TENT4B: variants seen among roughly 807,000 people sequenced by gnomAD.
TENT4B encodes terminal nucleotidyltransferase 4B.
In TENT4B, 10 loss-of-function variants were observed where a neutral mutation model predicts 75.0. That is an observed-to-expected ratio of 0.13 (90% confidence interval 0.08 to 0.23). The LOEUF (loss-of-function observed/expected upper bound fraction) is 0.23, where lower values mean the gene tolerates loss of function less well. Among genes scored for constraint, TENT4B ranks in the 10% least tolerant of loss-of-function variants. The pLI is 1.00. For missense variants in TENT4B, 579 were observed against 893.8 expected (o/e 0.65, Z 4.49); for synonymous variants, 350 against 357.7 (o/e 0.98, Z 0.24).
chr16:50,168,782 A>C (rs1236619810), intron 1 of TENT4B, among the ~76,000 whole-genome samples: 1 of 151,944 alleles, frequency 6.6e-6, no homozygotes, highest in East Asian at 1.9e-4. Context: ...AGTAGCTGGG[A>C]TTACAGGCAC....
intron 10 of TENT4B, among the ~76,000 whole-genome samples, chr16:50,226,393 A>G (rs1251507618): frequency 6.6e-6 from 1 of 151,076 alleles, no homozygotes; most frequent in African/African-American, 2.4e-5. Flanking sequence ...CTTTCACTCA[A>G]TTTTTTTTCA....
rs1307160964 is a variant in TENT4B, at chr16:50,174,265, T to A, written c.638+20006T>A. 2.0e-5 allele frequency among the ~76,000 whole-genome samples: 3 copies of A among 152,118 alleles called. No individual in the cohort carries two copies. The East Asian group carries it at 5.8e-4, about 30-fold the overall frequency. On this transcript the variant is annotated intron_variant, in intron 1 of 11. Coordinates refer to ENST00000561678, the MANE Select transcript of TENT4B (RefSeq NM_001365324.3). The stretch of plus-strand genomic sequence containing the variant: ...AGCATGTGCCACTGCACCTGGCTAA[T>A]TTTTGTATTTATAGTAGGGACAGGG...
Position 50,234,284 on chromosome 16 carries a change from AC to A in TENT4B, c.*4958del, listed in dbSNP as rs938386146. 1.4e-5 allele frequency: 14 copies of A among 985,314 alleles called. No individual in the cohort carries two copies. In the African/African-American group the frequency reaches 2.3e-4, roughly 16 times the overall value. 61.0% of individuals were successfully genotyped at this position (985,314 alleles called of 1,614,324 possible). On this transcript the variant is annotated 3_prime_UTR_variant, in exon 12 of 12. Transcript: ENST00000561678. Reference sequence around the variant, plus strand: ...TCATCTCTTAAAAAAACAAACAAAAACCTGAATGGTGAGGTGTGGTGGAATT... The same window carrying A: ...TCATCTCTTAAAAAAACAAACAAAAACTGAATGGTGAGGTGTGGTGGAATT...
chr16:50,175,542 T>G (rs1295664851), intron 1 of TENT4B, among the ~76,000 whole-genome samples: 1 of 152,130 alleles, frequency 6.6e-6, no homozygotes, highest in South Asian at 2.1e-4. Flanking sequence ...TGAAGTGCAG[T>G]GGCGCGATCT....
intron 1 of TENT4B, among the ~76,000 whole-genome samples, chr16:50,181,392 C>G (rs2038412907): frequency 6.6e-6 from 1 of 150,678 alleles, no homozygotes; most frequent in Non-Finnish European, 1.5e-5. Context: ...GATCTTGGCT[C>G]ACTGCAACCT....
chr16:50,162,792 T>C (rs2038026381), intron 1 of TENT4B, among the ~76,000 whole-genome samples: 1 of 152,218 alleles, frequency 6.6e-6, no homozygotes, highest in South Asian at 2.1e-4. Context: ...TTAGCCTCGT[T>C]TTCTAAAAAC....
chr16:50,210,924 A>T (rs570543068), intron 1 of TENT4B, among the ~76,000 whole-genome samples: 2 of 152,324 alleles, frequency 1.3e-5, no homozygotes, highest in South Asian at 4.1e-4. Context: ...AAACATTATG[A>T]AAGATGTACT....
At chr16:50,185,201 G>T (rs1448424538) in intron 1 of TENT4B, among the ~76,000 whole-genome samples, 1 of 152,208 alleles carries the variant, frequency 6.6e-6, no homozygotes, top group Non-Finnish European at 1.5e-5. Context: ...GTTACTTGCA[G>T]TAAGTAAATT....
At chr16:50,184,683 G>A (rs1247452949) in intron 1 of TENT4B, among the ~76,000 whole-genome samples, 1 of 147,398 alleles carries the variant, frequency 6.8e-6, no homozygotes, top group Admixed American at 6.6e-5. Flanking sequence ...AAAAAAAAAA[G>A]AGAATAATGC....
chr16:50,202,837 A>G (rs1045087950), intron 1 of TENT4B, among the ~76,000 whole-genome samples: 1 of 152,150 alleles, frequency 6.6e-6, no homozygotes, highest in Non-Finnish European at 1.5e-5. Flanking sequence ...CGTGGTTTTC[A>G]TTATCTCTTT....
chr16:50,164,444 G>C (rs1475698929), intron 1 of TENT4B, among the ~76,000 whole-genome samples: 1 of 151,916 alleles, frequency 6.6e-6, no homozygotes, highest in East Asian at 2.0e-4. Flanking sequence ...GAGTAGCTGG[G>C]ATTACAGGCG....
chr16:50,180,616 T>C (rs977836704), intron 1 of TENT4B, among the ~76,000 whole-genome samples: 12 of 151,080 alleles, frequency 7.9e-5, no homozygotes, highest in Non-Finnish European at 1.3e-4. Flanking sequence ...AGTTGAGGCA[T>C]GAGAATCGCT....
In TENT4B at chr16:50,229,994, G is replaced by A. The variant is rs762928151; in HGVS notation, c.*666G>A. The A allele has an allele frequency of 1.1e-5, 11 of 973,380 alleles. No homozygotes were observed. The highest frequency in any genetic ancestry group is 1.3e-5 in the Non-Finnish European group (11 of 819,028). The allele number at this position is 973,380 out of a possible 1,614,324, so 60.3% of individuals were successfully genotyped here. On this transcript the variant is annotated 3_prime_UTR_variant, in exon 12 of 12. Coordinates refer to ENST00000561678, the MANE Select transcript of TENT4B (RefSeq NM_001365324.3). ...ACATCCATATATAGGGAAGTGATTA[G>A]TTCTATTACTCAATTTGTTTTTCTC... is the stretch of plus-strand genomic sequence containing the variant.
At chr16:50,199,729 T>G (rs1363680085) in intron 1 of TENT4B, among the ~76,000 whole-genome samples, 1 of 152,234 alleles carries the variant, frequency 6.6e-6, no homozygotes, top group Non-Finnish European at 1.5e-5. Flanking sequence ...CTGAATAATA[T>G]TCCATTCTAT....
At position 50,231,208 on chromosome 16, in the gene TENT4B, T is replaced by C. The variant is rs1364404117; in HGVS notation, c.*1880T>C. 7.1e-6 allele frequency: 7 copies of C among 985,266 alleles called. No homozygotes were observed. The highest frequency in any genetic ancestry group is 1.0e-3 in the Middle Eastern group (2 of 1,912). 61.0% of individuals were successfully genotyped at this position (985,266 alleles called of 1,614,324 possible). ...GTTATTTTGACAATGTTTTAAATTT[T>C]AGAGTCACATTTTATTCTGATCAGA... On this transcript the variant is annotated 3_prime_UTR_variant, in exon 12 of 12. Coordinates refer to ENST00000561678, the MANE Select transcript of TENT4B (RefSeq NM_001365324.3).
At position 50,232,203 on chromosome 16, in the gene TENT4B, T is replaced by C. The variant is rs1156503489; in HGVS notation, c.*2875T>C. On this transcript the variant is annotated 3_prime_UTR_variant, in exon 12 of 12. Coordinates refer to ENST00000561678, the MANE Select transcript of TENT4B (RefSeq NM_001365324.3). ...TTTTTCCCTCCAGCTTTAAGGTGAC[T>C]GTGAAGGTGCCTGGTTTTGAATGTC... The C allele has an allele frequency of 1.0e-6, 1 of 985,440 alleles. No homozygotes were observed. The highest frequency in any genetic ancestry group is 6.1e-5 in the Admixed American group (1 of 16,280). 61.0% of individuals were successfully genotyped at this position (985,440 alleles called of 1,614,324 possible). A position where few individuals can be genotyped will look rare whatever the true frequency, so the allele number is the denominator to read the frequency against.
chr16:50,159,561 A>AATGAGATTG (rs1369230839), intron 1 of TENT4B, among the ~76,000 whole-genome samples: 3 of 152,134 alleles, frequency 2.0e-5, no homozygotes, highest in Admixed American at 2.0e-4. Flanking sequence ...ATTTCTACAC[A>AATGAGATTG]GTGTTACCAA....
intron 1 of TENT4B, among the ~76,000 whole-genome samples, chr16:50,178,238 T>C (rs1406182557): frequency 6.6e-6 from 1 of 151,256 alleles, no homozygotes. Context: ...GGAGGATCAC[T>C]TGAGGTCAGG....
chr16:50,217,627 C>T lies in TENT4B; in HGVS notation c.1002C>T (p.Gly334=), dbSNP rs774248090. ...KVDISFNVQN[G]VRAADLIKDF... ...ATATCAGCTTTAATGTACAGAATGG[C>T]GTGAGAGCAGCTGACCTCATCAAAG... Residue 334 remains glycine (G), a synonymous_variant, in exon 5 of 12, where the codon GGC becomes GGT. Coordinates refer to ENST00000561678, the MANE Select transcript of TENT4B (RefSeq NM_001365324.3). The T allele has an allele frequency of 1.2e-5, 19 of 1,533,920 alleles. No individual in the cohort carries two copies. Among genetic ancestry groups the T allele is most frequent in the Admixed American group, 8.9e-5 (4 of 44,788 alleles).
Sources: allele counts gnomAD v4.1 joint callset (sites outside exome capture counted in the v4.1 genomes callset), GRCh38; gene constraint gnomAD v4.1.1; transcripts MANE v1.5; gene names NCBI Gene and HGNC (gene_info 2026-07-23, HGNC 2026-07-21).